The following SLC25A21 variants were observed in gnomAD, a reference collection of about 807,000 sequenced individuals.
SLC25A21 encodes the protein solute carrier family 25 member 21.
Under a neutral mutation model 43.8 loss-of-function variants are expected in SLC25A21, and 47 were observed. That is an observed-to-expected ratio of 1.07 (90% confidence interval 0.85 to 1.37). The LOEUF is 1.37. Ranked by LOEUF, SLC25A21 falls within the 40% of genes most tolerant of loss-of-function variation. SLC25A21 has a pLI of 0.00. For synonymous variants in SLC25A21, 131 were observed against 121.3 expected (o/e 1.08, Z -0.52); for missense variants, 352 against 350.2 (o/e 1.00, Z -0.04).
At chr14:36,734,477 T>C (rs761369039) in intron 4 of SLC25A21, 30 bp downstream of exon 4, 1 of 1,575,910 alleles carries the variant, frequency 6.3e-7, no homozygotes, top group South Asian at 1.2e-5. Context: ...TGCCCTACTT[T>C]TGCTTGGTGC....
chr14:36,873,576 G>GT (rs1260848744), intron 2 of SLC25A21, among the ~76,000 whole-genome samples: 2 of 152,130 alleles, frequency 1.3e-5, no homozygotes, highest in Non-Finnish European at 2.9e-5. Flanking sequence ...GATTACAGGC[G>GT]TGAGCCACCG....
At chr14:36,735,857 T>G (rs1401300317) in intron 3 of SLC25A21, among the ~76,000 whole-genome samples, 1 of 150,608 alleles carries the variant, frequency 6.6e-6, no homozygotes, top group African/African-American at 2.4e-5. Context: ...CAAATATTTG[T>G]TAAGCTTATG....
At chr14:36,933,148 A>T (rs1594702249) in intron 1 of SLC25A21, among the ~76,000 whole-genome samples, 1 of 152,194 alleles carries the variant, frequency 6.6e-6, no homozygotes, top group Non-Finnish European at 1.5e-5. Flanking sequence ...AACTAAAATT[A>T]AAACTGGAAT....
intron 1 of SLC25A21, among the ~76,000 whole-genome samples, chr14:37,123,044 C>T (rs1352463585): frequency 6.6e-6 from 1 of 152,142 alleles, no homozygotes; most frequent in East Asian, 1.9e-4. Context: ...CCTGTATTCA[C>T]AGATAAGCGG....
At chr14:36,885,906 G>A (rs925819393) in intron 1 of SLC25A21, among the ~76,000 whole-genome samples, 7 of 152,018 alleles carry the variant, frequency 4.6e-5, no homozygotes, top group South Asian at 2.1e-4. Flanking sequence ...TGATGTTTTC[G>A]AATTAAATCC....
chr14:36,945,320 A>G (rs1296958700), intron 1 of SLC25A21, among the ~76,000 whole-genome samples: 1 of 152,188 alleles, frequency 6.6e-6, no homozygotes, highest in Admixed American at 6.5e-5. Context: ...TAGCCTGTGT[A>G]AGACAAATTT....
intron 2 of SLC25A21, among the ~76,000 whole-genome samples, chr14:36,833,507 T>C (rs1161128233): frequency 6.6e-6 from 1 of 152,188 alleles, no homozygotes; most frequent in Non-Finnish European, 1.5e-5. Flanking sequence ...TTAGAAAAAA[T>C]GTACCTGTAG....
chr14:37,127,796 A>G (rs1419066842), intron 1 of SLC25A21, among the ~76,000 whole-genome samples: 1 of 152,208 alleles, frequency 6.6e-6, no homozygotes, highest in Non-Finnish European at 1.5e-5. Flanking sequence ...GACTTCAACC[A>G]ACATAATTTT....
chr14:36,760,147 A>T (rs1285252479), intron 3 of SLC25A21, among the ~76,000 whole-genome samples: 1 of 151,978 alleles, frequency 6.6e-6, no homozygotes, highest in Non-Finnish European at 1.5e-5. Flanking sequence ...TGCCCAGGAG[A>T]TGTATGTGGA....
intron 1 of SLC25A21, among the ~76,000 whole-genome samples, chr14:36,950,110 A>G (rs1594713563): frequency 6.6e-6 from 1 of 152,228 alleles, no homozygotes; most frequent in Admixed American, 6.5e-5. Flanking sequence ...AGTATTCCAT[A>G]GAACATATTT....
intron 1 of SLC25A21, among the ~76,000 whole-genome samples, chr14:37,000,173 T>C (rs12050275): frequency 0.44 from 66,918 of 151,926 alleles, 18,041 homozygotes; most frequent in African/African-American, 0.77. Flanking sequence ...CTCTCATATC[T>C]TCATTCAATC....
intron 3 of SLC25A21, among the ~76,000 whole-genome samples, chr14:36,769,725 A>C (rs1886546942): frequency 6.6e-6 from 1 of 152,234 alleles, no homozygotes; most frequent in African/African-American, 2.4e-5. Flanking sequence ...TTCCTACAAA[A>C]ATAGAATTCA....
chr14:37,013,354 G>A (rs1960774579), intron 1 of SLC25A21, among the ~76,000 whole-genome samples: 1 of 152,108 alleles, frequency 6.6e-6, no homozygotes, highest in Non-Finnish European at 1.5e-5. Flanking sequence ...CATGGCTATG[G>A]GTGACCTCTT....
chr14:37,064,567 G>A lies in SLC25A21; in HGVS notation c.70+107714C>T, dbSNP rs1794189494. Among the ~76,000 whole-genome samples the A allele has an allele frequency of 2.6e-5, 4 of 152,150 alleles. 1 individual carries two copies. In the South Asian group the frequency reaches 8.3e-4, roughly 32 times the overall value. On this transcript the variant is annotated intron_variant, in intron 1 of 9. Coordinates refer to ENST00000331299, the MANE Select transcript of SLC25A21 (RefSeq NM_030631.4). ...CTAGCCTGGATCCCCAAACAACTGT[G>A]AATTGTGAATTCACAACAGTCCAAA...
chr14:36,836,021 A>G (rs1392380876), intron 2 of SLC25A21, among the ~76,000 whole-genome samples: 12 of 152,212 alleles, frequency 7.9e-5, no homozygotes, highest in Admixed American at 7.9e-4. Context: ...TACTATTGTC[A>G]AAACTGAATC....
At chr14:36,712,462 G>C (rs1427883710) in intron 6 of SLC25A21, among the ~76,000 whole-genome samples, 3 of 151,948 alleles carry the variant, frequency 2.0e-5, no homozygotes, top group African/African-American at 4.8e-5. Flanking sequence ...CAGACTAAAA[G>C]TATTTTCTTA....
chr14:36,811,488 T>TA (rs1888265611), intron 3 of SLC25A21, among the ~76,000 whole-genome samples: 1 of 152,078 alleles, frequency 6.6e-6, no homozygotes, highest in Non-Finnish European at 1.5e-5. Flanking sequence ...CCGTCTCTAC[T>TA]AAAAATAAAA....
At chr14:36,842,189 T>TA (rs1353860778) in intron 2 of SLC25A21, among the ~76,000 whole-genome samples, 1 of 152,214 alleles carries the variant, frequency 6.6e-6, no homozygotes, top group Non-Finnish European at 1.5e-5. Flanking sequence ...CGCTAGCACA[T>TA]AGATTCTTAA....
intron 7 of SLC25A21, among the ~76,000 whole-genome samples, chr14:36,699,261 T>C (rs993521500): frequency 1.3e-5 from 2 of 152,168 alleles, no homozygotes; most frequent in Non-Finnish European, 2.9e-5. Context: ...CAGCGGAGGC[T>C]GAAGAACAGC....
Sources: allele counts gnomAD v4.1 joint callset (sites outside exome capture counted in the v4.1 genomes callset), GRCh38; gene constraint gnomAD v4.1.1; transcripts MANE v1.5; gene names NCBI Gene and HGNC (gene_info 2026-07-23, HGNC 2026-07-21).